HECTD4: variants seen among roughly 807,000 people sequenced by gnomAD.
HECTD4 encodes the protein probable E3 ubiquitin-protein ligase HECTD4.
In HECTD4, 114 loss-of-function variants were observed where a neutral mutation model predicts 471.5. The observed-to-expected ratio is 0.24, with a 90% confidence interval of 0.21 to 0.28. The LOEUF (loss-of-function observed/expected upper bound fraction) is 0.28, where lower values mean the gene tolerates loss of function less well. Among genes scored for constraint, HECTD4 ranks in the 10% least tolerant of loss-of-function variants. The pLI is 1.00. For synonymous variants in HECTD4, 2,012 were observed against 2,256.0 expected, an observed-to-expected ratio of 0.89 and a Z score of 3.07; for missense variants, 3,866 against 5,651.5, an observed-to-expected ratio of 0.68 and a Z score of 10.13.
At chr12:112,200,890 T>C (rs868370950) in intron 54 of HECTD4, 92 bp from the exon 55 acceptor site, 8,207 of 734,460 alleles carry the variant, frequency 0.011, 41 homozygotes, top group African/African-American at 0.028. Flanking sequence ...CGTGCGTGTG[T>C]GTGTGTGTGT....
intron 39 of HECTD4, 99 bp downstream of exon 39, chr12:112,231,414 A>G: frequency 8.7e-7 from 1 of 1,155,526 alleles, no homozygotes; most frequent in Non-Finnish European, 1.3e-6. Flanking sequence ...CATTTCCAAG[A>G]GGTCAAGGGG....
Position 112,256,430 on chromosome 12 carries a change from G to A in HECTD4, c.3217C>T (p.His1073Tyr). The part of the protein sequence containing the change: ...WAAGKTVETV[H>Y]PVRDNYKFKE... ...AATTTATAGTTGTCTCTGACGGGGT[G>A]GACTGTTTCCACAGTCTTTCCAGCA... Residue 1073 changes from histidine to tyrosine, a missense_variant, in exon 21 of 76, where the codon CAC (histidine) becomes TAC (tyrosine). This residue lies in a region of HECTD4 where 525 missense variants were observed against 672.6 expected (regional missense o/e 0.78). Transcript: ENST00000682272. 6.2e-7 allele frequency: 1 copy of A among 1,612,656 alleles called. No individual in the cohort carries two copies. Among genetic ancestry groups the A allele is most frequent in the Non-Finnish European group, 8.5e-7 (1 of 1,179,196 alleles).
At chr12:112,171,580 A>G (rs990370953) in intron 67 of HECTD4, among the ~76,000 whole-genome samples, 1 of 152,198 alleles carries the variant, frequency 6.6e-6, no homozygotes, top group Non-Finnish European at 1.5e-5. Context: ...ATAATAATAT[A>G]GGAGGTTGCA....
Position 112,243,636 on chromosome 12 carries a change from G to C in HECTD4, c.4775C>G (p.Thr1592Ser). The change falls in exon 31 of 76, where the codon ACC becomes AGC. Residue 1592 changes from threonine (T) to serine (S), a missense_variant. Physicochemically the swap from Thr to Ser is moderately conservative, Grantham distance 58 (BLOSUM62 1). This residue lies in a region of HECTD4 where 229 missense variants were observed against 386.4 expected (regional missense o/e 0.59). Coordinates refer to ENST00000682272, the MANE Select transcript of HECTD4 (RefSeq NM_001388303.1). The surrounding 1 kb of genome is among the most constrained non-coding windows in gnomAD (Gnocchi z 6.6). The stretch of plus-strand genomic sequence containing the variant: ...GTGACGTACAGCTTGGTCAGGGTTG[G>C]TGCCGATGAAAGCAAACAGCTGCCC... The part of the protein sequence containing the change: ...LLGQLFAFIG[T>S]NPDQAVSSSS... 1.2e-6 allele frequency: 2 copies of C among 1,611,934 alleles called. No homozygotes were observed. The highest frequency in any genetic ancestry group is 1.7e-6 in the Non-Finnish European group (2 of 1,178,916).
rs748545601 is a variant in HECTD4 at position 112,228,677 on chromosome 12, T to G, written c.6654A>C (p.Pro2218=). 6.2e-7 allele frequency: 1 copy of G among 1,609,984 alleles called. No individual in the cohort carries two copies. The highest frequency in any genetic ancestry group is 8.5e-7 in the Non-Finnish European group (1 of 1,179,126). ...TSQASDTLTI[P]LSRLCVPRSE... The stretch of plus-strand genomic sequence containing the variant: ...ATCTTGGAACACAAAGTCTAGACAA[T>G]GGAATAGTCAATGTGTCTGACGCTT... The change falls in exon 42 of 76, where the codon CCA becomes CCC. Residue 2218 remains proline (P), a synonymous_variant. Coordinates refer to ENST00000682272, the MANE Select transcript of HECTD4 (RefSeq NM_001388303.1). This position sits in a 1 kb window ranked among gnomAD's most constrained non-coding sequence, Gnocchi z 4.9.
intron 29 of HECTD4, among the ~76,000 whole-genome samples, chr12:112,245,842 G>A (rs2033747461): frequency 6.6e-6 from 1 of 152,178 alleles, no homozygotes; most frequent in Non-Finnish European, 1.5e-5. Flanking sequence ...CAATTAAAAT[G>A]TGACCTAGGC....
intron 1 of HECTD4, among the ~76,000 whole-genome samples, chr12:112,344,169 T>C (rs1004643298): frequency 3.3e-5 from 5 of 152,232 alleles, no homozygotes; most frequent in Non-Finnish European, 5.9e-5. Flanking sequence ...CTTTTAGTAA[T>C]AAATTTTGAT....
chr12:112,288,760 G>C (rs1194916804), intron 7 of HECTD4, among the ~76,000 whole-genome samples: 3 of 152,216 alleles, frequency 2.0e-5, no homozygotes, highest in African/African-American at 7.2e-5. Context: ...CAAGTGGAGA[G>C]AGGCCCTAGA....
In HECTD4 at chr12:112,193,012, T is replaced by C. The variant is rs1267843191; in HGVS notation, c.9086+49A>G. The C allele has an allele frequency of 3.1e-6, 5 of 1,603,218 alleles. No individual in the cohort carries two copies. The highest frequency in any genetic ancestry group is 4.3e-6 in the Non-Finnish European group (5 of 1,173,606). On this transcript the variant is annotated intron_variant, in intron 58 of 75. Transcript: ENST00000682272. The surrounding 1 kb of genome is among the most constrained non-coding windows in gnomAD (Gnocchi z 5.2). ...CCTTGGCCAGTTTCACCAGAATTCA[T>C]TTAGCTTTCCTCTCCCCATCACCAT...
intron 25 of HECTD4, among the ~76,000 whole-genome samples, chr12:112,248,866 T>C (rs2033815964): frequency 6.6e-6 from 1 of 152,214 alleles, no homozygotes; most frequent in Non-Finnish European, 1.5e-5. Context: ...ATTACAGGCA[T>C]GAGCCACCAT....
chr12:112,256,475 T>G lies in HECTD4; in HGVS notation c.3172A>C (p.Lys1058Gln). 6.2e-7 allele frequency: 1 copy of G among 1,604,376 alleles called. No individual in the cohort carries two copies. Among genetic ancestry groups the G allele is most frequent in the Non-Finnish European group, 8.5e-7 (1 of 1,176,652 alleles). Reference sequence around the variant, plus strand: ...CCAGCAGCCCATGGGGCAGGAATCTTTAAACCAGTGAGAAATCCTGGCTCT... The same window carrying G: ...CCAGCAGCCCATGGGGCAGGAATCTGTAAACCAGTGAGAAATCCTGGCTCT... ...KEEPGFLTGLKIPAPWAAGKT... is the reference protein window; with the variant it reads ...KEEPGFLTGLQIPAPWAAGKT... The change falls in exon 21 of 76, where the codon AAG (lysine) becomes CAG (glutamine). Residue 1058 changes from lysine to glutamine, a missense_variant. Physicochemically the swap from Lys to Gln is moderately conservative, Grantham distance 53 (BLOSUM62 1). Transcript: ENST00000682272.
At position 112,306,273 on chromosome 12, in the gene HECTD4, T is replaced by C. The variant is rs767661191; in HGVS notation, c.1165-39A>G. ...GGAGGAAATCTCCATTAGAGCCACA[T>C]ATAAATTCTGATTAATCCTATCAGC... On this transcript the variant is annotated intron_variant, in intron 6 of 75. Transcript: ENST00000682272. 2.8e-6 allele frequency: 4 copies of C among 1,408,026 alleles called. No individual in the cohort carries two copies. In the African/African-American group the frequency reaches 4.3e-5, roughly 15 times the overall value. The allele number at this position is 1,408,026 out of a possible 1,614,324, so 87.2% of individuals were successfully genotyped here.
At chr12:112,201,429 A>C (rs1292142505) in intron 54 of HECTD4, 1 of 158,440 alleles carries the variant, frequency 6.3e-6, no homozygotes, top group Non-Finnish European at 1.4e-5. Context: ...CTTAAATATA[A>C]ATGTGAATTA....
At chr12:112,180,784 G>T (rs978368345) in intron 62 of HECTD4, among the ~76,000 whole-genome samples, 1 of 152,162 alleles carries the variant, frequency 6.6e-6, no homozygotes, top group Non-Finnish European at 1.5e-5. Flanking sequence ...GGGCAGCTGA[G>T]AGCTGAGGGG....
At chr12:112,350,936 G>A (rs755534424) in intron 1 of HECTD4, among the ~76,000 whole-genome samples, 2 of 152,098 alleles carry the variant, frequency 1.3e-5, no homozygotes, top group Non-Finnish European at 2.9e-5. Context: ...TAAATTAAGG[G>A]CCCATTAGTC....
intron 61 of HECTD4, among the ~76,000 whole-genome samples, chr12:112,183,680 G>A (rs1431495749): frequency 6.6e-6 from 1 of 152,222 alleles, no homozygotes; most frequent in African/African-American, 2.4e-5. Context: ...CTACCTTACT[G>A]TTATGCAAAA....
chr12:112,261,412 A>C lies in HECTD4; in HGVS notation c.2766T>G (p.Ile922Met). 2 of 1,607,382 alleles carry C rather than the reference A, an allele frequency of 1.2e-6. No homozygotes were observed. Among genetic ancestry groups the C allele is most frequent in the Non-Finnish European group, 1.7e-6 (2 of 1,174,330 alleles). Residue 922 changes from isoleucine to methionine, a missense_variant, in exon 18 of 76, where the codon ATT (isoleucine) becomes ATG (methionine). By Grantham distance (10) the Ile-to-Met change is conservative (BLOSUM62 1). This residue lies in a region of HECTD4 where 525 missense variants were observed against 672.6 expected (regional missense o/e 0.78). Coordinates refer to ENST00000682272, the MANE Select transcript of HECTD4 (RefSeq NM_001388303.1). ...TLKVQELKVS[I>M]LALATQILTG... ...TCAGGATTTGGGTGGCAAGAGCCAA[A>C]ATACTGACTTTTAGCTCCTAGGCAG...
At chr12:112,310,362 T>C (rs2135687419) in intron 4 of HECTD4, among the ~76,000 whole-genome samples, 1 of 152,344 alleles carries the variant, frequency 6.6e-6, no homozygotes, top group East Asian at 1.9e-4. Context: ...AAGTTTCATA[T>C]CTTTTCTATT....
At chr12:112,238,490 C>G (rs1017431982) in intron 34 of HECTD4, among the ~76,000 whole-genome samples, 1 of 152,142 alleles carries the variant, frequency 6.6e-6, no homozygotes, top group Non-Finnish European at 1.5e-5. Flanking sequence ...AACGCCAAGG[C>G]GCGAGGACTG....
Sources: gnomAD v4.1 joint callset for allele counts (sites outside exome capture counted in the v4.1 genomes callset) on GRCh38, gnomAD v4.1.1 for gene constraint, gnomAD v4.1.1 regional missense constraint, Gnocchi (gnomAD v3.1) non-coding constraint, MANE v1.5 for transcripts, NCBI Gene and HGNC (gene_info 2026-07-23, HGNC 2026-07-21) for gene names.